The following GPC6 variants were observed in gnomAD, a reference collection of about 807,000 sequenced individuals.
The protein encoded by GPC6 is glypican 6, also known as glypican-6.
In GPC6, 14 loss-of-function variants were observed where a neutral mutation model predicts 55.2. That is an observed-to-expected ratio of 0.25 (90% CI 0.17 to 0.40). The LOEUF (loss-of-function observed/expected upper bound fraction) is 0.40, where lower values mean the gene tolerates loss of function less well. Among genes scored for constraint, GPC6 ranks in the 10% least tolerant of loss-of-function variants. GPC6 has a pLI of 1.00. For synonymous variants in GPC6, 278 were observed against 259.6 expected, an observed-to-expected ratio of 1.07 and a Z score of -0.68; for missense variants, 641 against 708.5, an observed-to-expected ratio of 0.90 and a Z score of 1.08.
chr13:93,781,484 C>A (rs1207187758), intron 2 of GPC6, among the ~76,000 whole-genome samples: 1 of 152,136 alleles, frequency 6.6e-6, no homozygotes, highest in Non-Finnish European at 1.5e-5. Context: ...ATTTTGTACA[C>A]ATCCAGGATC....
intron 1 of GPC6, among the ~76,000 whole-genome samples, chr13:93,286,165 A>G (rs1189900536): frequency 6.6e-6 from 1 of 152,118 alleles, no homozygotes; most frequent in Admixed American, 6.5e-5. Context: ...GGCAGAAGGC[A>G]CCTTTTCATG....
chr13:93,617,916 A>T (rs1878792508), intron 2 of GPC6, among the ~76,000 whole-genome samples: 1 of 152,088 alleles, frequency 6.6e-6, no homozygotes, highest in Non-Finnish European at 1.5e-5. Context: ...ACAAATCATG[A>T]TTACTGTAAT....
Position 93,877,382 on chromosome 13 carries a change from T to C in GPC6, c.711+46837T>C, listed in dbSNP as rs1025887725. On this transcript the variant is annotated intron_variant, in intron 3 of 8. Coordinates refer to ENST00000377047, the MANE Select transcript of GPC6 (RefSeq NM_005708.5). Reference sequence around the variant, plus strand: ...TGGGAGGCATTATTTATAAACCCACTGCAAATATTTTTAATTACCCCTTTA... The same window carrying C: ...TGGGAGGCATTATTTATAAACCCACCGCAAATATTTTTAATTACCCCTTTA... 2.6e-5 allele frequency among the ~76,000 whole-genome samples: 4 copies of C among 152,154 alleles called. No homozygotes were observed. In the East Asian group the frequency reaches 7.8e-4, roughly 30 times the overall value.
At chr13:94,196,519 A>C (rs911227190) in intron 4 of GPC6, among the ~76,000 whole-genome samples, 2 of 152,072 alleles carry the variant, frequency 1.3e-5, no homozygotes, top group Admixed American at 6.5e-5. Flanking sequence ...GTGGTTTCAG[A>C]CTCTCAACAC....
intron 4 of GPC6, among the ~76,000 whole-genome samples, chr13:94,245,738 C>CTGTG (rs746211185): frequency 6.6e-6 from 1 of 151,142 alleles, no homozygotes; most frequent in Non-Finnish European, 1.5e-5. Context: ...GTGTGTGTGT[C>CTGTG]TGTGTGTGTG....
intron 3 of GPC6, among the ~76,000 whole-genome samples, chr13:93,878,858 G>C (rs945162577): frequency 6.6e-6 from 1 of 152,064 alleles, no homozygotes; most frequent in Non-Finnish European, 1.5e-5. Context: ...GCAGTATTTT[G>C]TTATATCAGC....
At chr13:94,299,835 G>GAA (rs1308031079) in intron 5 of GPC6, among the ~76,000 whole-genome samples, 49 of 152,180 alleles carry the variant, frequency 3.2e-4, no homozygotes, top group African/African-American at 1.2e-3. Flanking sequence ...GGCTGCACCT[G>GAA]GACAAATATA....
At chr13:94,383,766 G>C (rs1461364533) in intron 7 of GPC6, among the ~76,000 whole-genome samples, 1 of 152,130 alleles carries the variant, frequency 6.6e-6, no homozygotes, top group Admixed American at 6.5e-5. Flanking sequence ...CTGAGACTGG[G>C]TAATTTATAA....
Position 93,324,957 on chromosome 13 carries a change from A to G in GPC6, c.160+97341A>G, listed in dbSNP as rs1267647616. Among the ~76,000 whole-genome samples the G allele has an allele frequency of 3.3e-5, 5 of 152,098 alleles. No individual in the cohort carries two copies. The East Asian group carries it at 9.6e-4, about 29-fold the overall frequency. On this transcript the variant is annotated intron_variant, in intron 1 of 8. Transcript: ENST00000377047. Reference sequence around the variant, plus strand: ...TTTTTACTTTTTAAGACTCAACTGGAGCCAGCGTGAAACCTACCCCTCTAA... The same window carrying G: ...TTTTTACTTTTTAAGACTCAACTGGGGCCAGCGTGAAACCTACCCCTCTAA...
intron 1 of GPC6, among the ~76,000 whole-genome samples, chr13:93,497,946 A>C (rs1008491614): frequency 6.6e-6 from 1 of 152,206 alleles, no homozygotes; most frequent in South Asian, 2.1e-4. Flanking sequence ...CTATTGTCTC[A>C]GATGTGTTGG....
chr13:93,675,541 ATTTGT>A (rs1566481052), intron 2 of GPC6, among the ~76,000 whole-genome samples: 1 of 152,082 alleles, frequency 6.6e-6, no homozygotes, highest in East Asian at 1.9e-4. Flanking sequence ...CAGATTCAGC[ATTTGT>A]TTTGTTTCCA....
chr13:94,382,837 A>G (rs1400713298), intron 7 of GPC6, among the ~76,000 whole-genome samples: 1 of 152,230 alleles, frequency 6.6e-6, no homozygotes, highest in African/African-American at 2.4e-5. Flanking sequence ...GAGATCACAA[A>G]GAGCCCTTTC....
intron 4 of GPC6, among the ~76,000 whole-genome samples, chr13:94,210,428 A>T (rs888091200): frequency 6.6e-6 from 1 of 152,174 alleles, no homozygotes; most frequent in African/African-American, 2.4e-5. Flanking sequence ...AAGTGCTGGG[A>T]TTACAGGCAT....
At chr13:93,217,447 T>A in the GPC6 span, among the ~76,000 whole-genome samples, 1 of 152,244 alleles carries the variant, frequency 6.6e-6, no homozygotes, top group Non-Finnish European at 1.5e-5. Context: ...GATCACTATG[T>A]TTTCGAGTGT....
At chr13:93,435,273 C>T (rs562855443) in intron 1 of GPC6, among the ~76,000 whole-genome samples, 5 of 151,858 alleles carry the variant, frequency 3.3e-5, no homozygotes, top group African/African-American at 1.2e-4. Context: ...AGACACCATG[C>T]CCAGCTATTA....
intron 1 of GPC6, among the ~76,000 whole-genome samples, chr13:93,500,326 G>T (rs1211234351): frequency 2.0e-5 from 3 of 152,126 alleles, no homozygotes; most frequent in Non-Finnish European, 1.5e-5. Context: ...TGAAAAGAGA[G>T]TGTAGAGACC....
At chr13:93,267,798 A>G (rs931417662) in intron 1 of GPC6, among the ~76,000 whole-genome samples, 4 of 152,146 alleles carry the variant, frequency 2.6e-5, no homozygotes, top group African/African-American at 4.8e-5. Context: ...ATATACCTAC[A>G]TTTTCATCTT....
intron 4 of GPC6, among the ~76,000 whole-genome samples, chr13:94,168,847 C>G (rs1445745854): frequency 6.6e-6 from 1 of 151,868 alleles, no homozygotes; most frequent in African/African-American, 2.4e-5. Flanking sequence ...AGTGAAAACA[C>G]TTTCGTGGGC....
chr13:93,262,777 C>A (rs1877195106), intron 1 of GPC6, among the ~76,000 whole-genome samples: 1 of 152,094 alleles, frequency 6.6e-6, no homozygotes, highest in Non-Finnish European at 1.5e-5. Context: ...TAGCTGCTAC[C>A]AGTGGACTGG....
Sources: allele counts gnomAD v4.1 joint callset (sites outside exome capture counted in the v4.1 genomes callset), GRCh38; gene constraint gnomAD v4.1.1; transcripts MANE v1.5; gene names NCBI Gene and HGNC (gene_info 2026-07-23, HGNC 2026-07-21).